The following IQUB variants were observed in gnomAD, a reference collection of about 807,000 sequenced individuals.
The protein encoded by IQUB is IQ motif and ubiquitin domain containing.
A neutral mutation model predicts 86.4 loss-of-function variants in IQUB; 86 were observed. That is an observed-to-expected ratio of 1.00 (90% confidence interval 0.84 to 1.19). IQUB has a LOEUF of 1.19. IQUB is among the 50% of genes most tolerant of loss of function. IQUB has a pLI of 0.00. For missense variants in IQUB, 946 were observed against 916.9 expected, an observed-to-expected ratio of 1.03 and a Z score of -0.41; for synonymous variants, 289 against 304.5, an observed-to-expected ratio of 0.95 and a Z score of 0.53.
Position 123,499,730 on chromosome 7 carries a change from G to A in IQUB, c.1024-2824C>T, listed in dbSNP as rs1795858070. 2.0e-5 allele frequency among the ~76,000 whole-genome samples: 3 copies of A among 152,256 alleles called. No homozygotes were observed. The South Asian group carries it at 6.2e-4, about 32-fold the overall frequency. On this transcript the variant is annotated intron_variant, in intron 6 of 12. Transcript: ENST00000324698. ...CACTTGGTATAAAAAAATTAGTTAT[G>A]TTAAAAAATGTGTATGAGTAACTGT... is the stretch of plus-strand genomic sequence containing the variant.
At position 123,461,331 on chromosome 7, in the gene IQUB, T is replaced by C. The variant is rs760996293; in HGVS notation, c.2007+26A>G. ...TAGCCTCCTTGACAAGCTTCAGCTA[T>C]AATTGGCACCCCTTATTGACCATAC... On this transcript the variant is annotated intron_variant, in intron 11 of 12. Transcript: ENST00000324698. 1.1e-5 allele frequency: 17 copies of C among 1,579,420 alleles called. No individual in the cohort carries two copies. In the African/African-American group the frequency reaches 1.2e-4, roughly 11 times the overall value.
Position 123,481,955 on chromosome 7 carries a change from GTGACA to G in IQUB, c.1235-1990_1235-1986del, listed in dbSNP as rs918478126. Among the ~76,000 whole-genome samples the G allele has an allele frequency of 7.2e-5, 11 of 152,074 alleles. No homozygotes were observed. The Middle Eastern group carries it at 0.01, about 141-fold the overall frequency. On this transcript the variant is annotated intron_variant, in intron 7 of 12. Transcript: ENST00000324698. ...AATAAGATAATTTTGTAGAATTCTA[GTGACA>G]TGATGTTTTCAGATGGCACACTTGA...
intron 1 of IQUB, among the ~76,000 whole-genome samples, chr7:123,521,574 G>A (rs553470073): frequency 2.0e-5 from 3 of 151,994 alleles, no homozygotes; most frequent in African/African-American, 7.2e-5. Context: ...TTCAGCCAGG[G>A]CGGTGGAGAT....
At chr7:123,464,768 A>C (rs1042985136) in intron 10 of IQUB, 65 bp downstream of exon 10, 7 of 1,092,362 alleles carry the variant, frequency 6.4e-6, no homozygotes, top group Non-Finnish European at 8.9e-6. Context: ...ATTTGAATAT[A>C]CTTCAATTTA....
chr7:123,452,884 A>ATGT lies in IQUB; in HGVS notation c.2232_2234dup (p.Lys744_His745insGln). The stretch of plus-strand genomic sequence containing the variant: ...GAGAAAAATAGTTCTTAGCCAGGAT[A>ATGT]TGTTTGTGTTTGATCTTGTGAATAA... On this transcript the variant is annotated inframe_insertion, in exon 13 of 13. Transcript: ENST00000324698. 1 of 1,613,354 alleles carries ATGT rather than the reference A, an allele frequency of 6.2e-7. No homozygotes were observed. Among genetic ancestry groups the ATGT allele is most frequent in the Non-Finnish European group, 8.5e-7 (1 of 1,179,540 alleles).
At chr7:123,506,488 G>A (rs1259924985) in intron 3 of IQUB, among the ~76,000 whole-genome samples, 1 of 152,134 alleles carries the variant, frequency 6.6e-6, no homozygotes, top group African/African-American at 2.4e-5. Flanking sequence ...GGTTGGGGAG[G>A]CCTCAGGAAA....
chr7:123,506,113 C>T (rs754952613), intron 3 of IQUB, among the ~76,000 whole-genome samples: 5 of 152,232 alleles, frequency 3.3e-5, no homozygotes, highest in Admixed American at 1.3e-4. Flanking sequence ...AAGCATAGCA[C>T]GTGTGACCTT....
At chr7:123,524,566 G>A (rs1797088619) in intron 1 of IQUB, among the ~76,000 whole-genome samples, 1 of 147,394 alleles carries the variant, frequency 6.8e-6, no homozygotes, top group Non-Finnish European at 1.5e-5. Flanking sequence ...CTGAGACTTT[G>A]CTGAAATTGC....
At chr7:123,478,577 A>G (rs961348050) in intron 8 of IQUB, among the ~76,000 whole-genome samples, 3 of 152,162 alleles carry the variant, frequency 2.0e-5, no homozygotes, top group Admixed American at 2.0e-4. Flanking sequence ...TAATAAAAAA[A>G]AGAAACAATG....
At chr7:123,458,690 G>A (rs1046822828) in intron 11 of IQUB, among the ~76,000 whole-genome samples, 4 of 151,860 alleles carry the variant, frequency 2.6e-5, no homozygotes, top group African/African-American at 7.3e-5. Context: ...ACAGAATAAC[G>A]TGTTTATTTG....
At chr7:123,476,301 T>C (rs1335904807) in intron 8 of IQUB, among the ~76,000 whole-genome samples, 1 of 152,166 alleles carries the variant, frequency 6.6e-6, no homozygotes, top group Admixed American at 6.5e-5. Flanking sequence ...AAGAGGCATC[T>C]GAGCTTGTTT....
At chr7:123,464,362 G>T (rs537781937) in intron 10 of IQUB, among the ~76,000 whole-genome samples, 1 of 151,778 alleles carries the variant, frequency 6.6e-6, no homozygotes, top group Non-Finnish European at 1.5e-5. Context: ...ATAACTTTGT[G>T]ATAAGTGTTA....
At chr7:123,485,093 T>G (rs1270980576) in intron 7 of IQUB, among the ~76,000 whole-genome samples, 3 of 152,190 alleles carry the variant, frequency 2.0e-5, no homozygotes, top group African/African-American at 4.8e-5. Context: ...AAAATTGAGA[T>G]GCTATATTAC....
intron 7 of IQUB, among the ~76,000 whole-genome samples, chr7:123,490,815 T>C (rs929759245): frequency 3.9e-5 from 6 of 151,956 alleles, no homozygotes; most frequent in African/African-American, 1.5e-4. Context: ...AAATACAAAA[T>C]TAGCCGGGTG....
chr7:123,529,477 GTT>G (rs74558576), intron 1 of IQUB, among the ~76,000 whole-genome samples: 40,393 of 147,864 alleles, frequency 0.27, 5,759 homozygotes, highest in Middle Eastern at 0.37. Flanking sequence ...TGTCTCTAGT[GTT>G]TTTTTTTTGT....
chr7:123,502,496 T>C, intron 6 of IQUB, 101 bp downstream of exon 6: 3 of 1,017,394 alleles, frequency 2.9e-6, no homozygotes, highest in Admixed American at 4.3e-5. Flanking sequence ...CTCATGAGCA[T>C]TCTTTCTCAA....
Position 123,496,891 on chromosome 7 carries a change from T to C in IQUB, c.1039A>G (p.Thr347Ala). The change falls in exon 7 of 13, where the codon ACT becomes GCT. Residue 347 changes from threonine (T) to alanine (A), a missense_variant. Physicochemically the swap from Thr to Ala is moderately conservative, Grantham distance 58. Coordinates refer to ENST00000324698, the MANE Select transcript of IQUB (RefSeq NM_178827.5). ...TTAGCATGCCATTGCCTGTAGTAAG[T>C]CTGTATCACTATCACCTATAGTTAA... is the stretch of plus-strand genomic sequence containing the variant. Reference protein sequence around the residue: ...QRLKAVIVIQTYYRQWHAKIF... With the variant: ...QRLKAVIVIQAYYRQWHAKIF... The C allele has an allele frequency of 6.2e-7, 1 of 1,607,942 alleles. No homozygotes were observed. Among genetic ancestry groups the C allele is most frequent in the Non-Finnish European group, 8.5e-7 (1 of 1,176,754 alleles).
intron 6 of IQUB, 66 bp downstream of exon 6, chr7:123,502,531 C>G (rs1039994949): frequency 2.2e-6 from 3 of 1,393,966 alleles, no homozygotes; most frequent in Non-Finnish European, 3.0e-6. Context: ...GAGAAAGAGA[C>G]ACACTCGGAA....
At chr7:123,500,921 T>C (rs576348940) in intron 6 of IQUB, 2 of 152,368 alleles carry the variant, frequency 1.3e-5, no homozygotes, top group African/African-American at 4.8e-5. Context: ...TTTTGGAGTT[T>C]GGAAAATGAC....
Sources: gnomAD v4.1 joint callset for allele counts (sites outside exome capture counted in the v4.1 genomes callset) on GRCh38, gnomAD v4.1.1 for gene constraint, MANE v1.5 for transcripts, NCBI Gene and HGNC (gene_info 2026-07-23, HGNC 2026-07-21) for gene names.